The following WDR27 variants were observed in gnomAD, a reference collection of about 807,000 sequenced individuals.
WDR27 encodes the protein WD repeat domain 27, also known as WD repeat-containing protein 27.
A neutral mutation model predicts 114.4 loss-of-function variants in WDR27; 100 were observed. The ratio of observed to expected loss-of-function variants is 0.87; its 90% CI spans 0.74 to 1.03. The LOEUF (loss-of-function observed/expected upper bound fraction) is 1.03, where lower values mean the gene tolerates loss of function less well. Among genes scored for constraint, WDR27 ranks in the 50% least tolerant of loss-of-function variants. The pLI is 0.00. For missense variants in WDR27, 1,129 were observed against 1,092.9 expected (o/e 1.03, Z -0.47); for synonymous variants, 449 against 423.1 (o/e 1.06, Z -0.75).
intron 14 of WDR27, among the ~76,000 whole-genome samples, chr6:169,651,626 C>T (rs7756202): frequency 0.023 from 3,569 of 152,240 alleles, 98 homozygotes; most frequent in African/African-American, 0.067. Flanking sequence ...TCGTCATGCT[C>T]TCCCAGCCCC....
At chr6:169,589,157 CCTGT>C (rs1005947638) in intron 23 of WDR27, among the ~76,000 whole-genome samples, 1 of 152,144 alleles carries the variant, frequency 6.6e-6, no homozygotes, top group Admixed American at 6.5e-5. Context: ...CTTCAGAACT[CCTGT>C]CTGCCTGCTG....
At chr6:169,573,962 A>G (rs1801856270) in intron 24 of WDR27, among the ~76,000 whole-genome samples, 1 of 152,258 alleles carries the variant, frequency 6.6e-6, no homozygotes, top group African/African-American at 2.4e-5. Flanking sequence ...TAATTTAACT[A>G]TGGAGCTTCT....
intron 24 of WDR27, among the ~76,000 whole-genome samples, chr6:169,582,116 C>T (rs911845040): frequency 7.2e-5 from 11 of 152,020 alleles, no homozygotes; most frequent in Non-Finnish European, 1.6e-4. Context: ...TGGGATTATA[C>T]GCGCCCACCA....
intron 17 of WDR27, among the ~76,000 whole-genome samples, chr6:169,639,692 C>T (rs574939223): frequency 7.6e-4 from 115 of 152,238 alleles, no homozygotes; most frequent in Middle Eastern, 6.8e-3. Flanking sequence ...CCTGTAGGAG[C>T]TTTTCTGTCC....
chr6:169,696,169 G>A (rs954338326), intron 1 of WDR27, among the ~76,000 whole-genome samples: 7 of 152,126 alleles, frequency 4.6e-5, no homozygotes, highest in Admixed American at 1.3e-4. Flanking sequence ...CTGTAGAAAC[G>A]AAATGACAAT....
chr6:169,607,903 G>A (rs972567912), intron 22 of WDR27, among the ~76,000 whole-genome samples: 88 of 152,138 alleles, frequency 5.8e-4, no homozygotes, highest in Middle Eastern at 6.8e-3. Context: ...TACATTCCAA[G>A]AAATATGTCG....
chr6:169,664,321 C>T (rs759434792), intron 7 of WDR27, 35 bp from the exon 8 acceptor site: 90 of 1,612,884 alleles, frequency 5.6e-5, no homozygotes, highest in Non-Finnish European at 7.0e-5. Flanking sequence ...CATGGCGCTG[C>T]AGCAAGGGTC....
intron 21 of WDR27, among the ~76,000 whole-genome samples, chr6:169,616,887 T>A (rs1811942827): frequency 6.6e-6 from 1 of 152,094 alleles, no homozygotes; most frequent in South Asian, 2.1e-4. Context: ...CATCTGAAGC[T>A]TGGGTTGAAA....
At chr6:169,607,164 C>G (rs375225669) in intron 22 of WDR27, among the ~76,000 whole-genome samples, 1 of 152,024 alleles carries the variant, frequency 6.6e-6, no homozygotes, top group Non-Finnish European at 1.5e-5. Flanking sequence ...ACAACCTCTA[C>G]GCAAAACAAT....
chr6:169,468,303 G>T (rs1785874566), intron 25 of WDR27, among the ~76,000 whole-genome samples: 1 of 152,162 alleles, frequency 6.6e-6, no homozygotes, highest in Non-Finnish European at 1.5e-5. Flanking sequence ...ACCTCTGCCT[G>T]TTACACAGTT....
chr6:169,484,739 A>T (rs1205016568), intron 25 of WDR27, among the ~76,000 whole-genome samples: 2 of 152,206 alleles, frequency 1.3e-5, no homozygotes, highest in Non-Finnish European at 2.9e-5. Context: ...AAATGAACAA[A>T]GCTGGAGGCA....
chr6:169,497,714 A>G (rs1042938996), intron 25 of WDR27, among the ~76,000 whole-genome samples: 1 of 152,156 alleles, frequency 6.6e-6, no homozygotes, highest in African/African-American at 2.4e-5. Flanking sequence ...TGTACCTCAC[A>G]CCCATTAGAA....
intron 25 of WDR27, among the ~76,000 whole-genome samples, chr6:169,541,671 G>A (rs1796870247): frequency 6.6e-6 from 1 of 152,156 alleles, no homozygotes; most frequent in Non-Finnish European, 1.5e-5. Flanking sequence ...TCAGCAAAAG[G>A]ACTGATGGTC....
chr6:169,658,362 A>G lies in WDR27; in HGVS notation c.1320-4T>C. On this transcript the variant is annotated splice_region_variant and splice_polypyrimidine_tract_variant and intron_variant, in intron 12 of 25. Transcript: ENST00000448612. The stretch of plus-strand genomic sequence containing the variant: ...AGAGGTCGGTAGGACACAGGAGCTG[A>G]AACAGAAACAAGCCCCATGAAACTA... The G allele has an allele frequency of 6.3e-7, 1 of 1,589,194 alleles. No homozygotes were observed. Among genetic ancestry groups the G allele is most frequent in the South Asian group, 1.2e-5 (1 of 86,792 alleles).
At chr6:169,487,964 C>A (rs1228521093) in intron 25 of WDR27, among the ~76,000 whole-genome samples, 1 of 152,202 alleles carries the variant, frequency 6.6e-6, no homozygotes, top group East Asian at 1.9e-4. Flanking sequence ...ACACAGCACT[C>A]TCTCTATTCC....
chr6:169,565,932 C>T (rs1175597895), intron 25 of WDR27, among the ~76,000 whole-genome samples: 3 of 152,234 alleles, frequency 2.0e-5, no homozygotes, highest in African/African-American at 7.2e-5. Flanking sequence ...GCGTGAGCCA[C>T]TGCACCTATA....
rs962232805 is a variant in WDR27, at chr6:169,659,776, G to A, written c.1130-258C>T. On this transcript the variant is annotated intron_variant, in intron 10 of 25. Coordinates refer to ENST00000448612, the MANE Select transcript of WDR27 (RefSeq NM_182552.5). This position sits in a 1 kb window ranked among gnomAD's most constrained non-coding sequence, Gnocchi z 4.3. The stretch of plus-strand genomic sequence containing the variant: ...AGGCTCCGCTCTGAGGCTGGGATGT[G>A]ACTCGGACTGAGACCTGCAGCTCAG... Among the ~76,000 whole-genome samples the A allele has an allele frequency of 1.3e-5, 2 of 152,110 alleles. No individual in the cohort carries two copies. The highest frequency in any genetic ancestry group is 4.8e-5 in the African/African-American group (2 of 41,412).
At chr6:169,646,123 C>G (rs551048980) in intron 16 of WDR27, among the ~76,000 whole-genome samples, 1 of 152,368 alleles carries the variant, frequency 6.6e-6, no homozygotes, top group African/African-American at 2.4e-5. Flanking sequence ...AACACAAACA[C>G]TAACATCGGC....
At chr6:169,555,352 C>A (rs556846895) in intron 25 of WDR27, among the ~76,000 whole-genome samples, 3 of 152,204 alleles carry the variant, frequency 2.0e-5, no homozygotes, top group Admixed American at 2.0e-4. Flanking sequence ...CTGCTCCAGG[C>A]TGAGCTCATC....
Sources: allele counts gnomAD v4.1 joint callset (sites outside exome capture counted in the v4.1 genomes callset), GRCh38; gene constraint gnomAD v4.1.1; non-coding constraint Gnocchi (gnomAD v3.1); transcripts MANE v1.5; gene names NCBI Gene and HGNC (gene_info 2026-07-23, HGNC 2026-07-21).